OCA2: variants seen among roughly 807,000 people sequenced by gnomAD.
OCA2 encodes P protein.
In OCA2, 77 loss-of-function variants were observed where a neutral mutation model predicts 100.2. The observed-to-expected ratio is 0.77, with a 90% CI of 0.64 to 0.93. The LOEUF (loss-of-function observed/expected upper bound fraction) is 0.93. Ranked by LOEUF, OCA2 falls within the 40% of genes least tolerant of loss-of-function variation. OCA2 has a pLI of 0.00. For synonymous variants in OCA2, 432 were observed against 439.2 expected, an observed-to-expected ratio of 0.98 and a Z score of 0.21; for missense variants, 1,062 against 1,089.1, an observed-to-expected ratio of 0.98 and a Z score of 0.35.
chr15:27,782,217 C>G (rs2032579728), intron 23 of OCA2, among the ~76,000 whole-genome samples: 2 of 152,264 alleles, frequency 1.3e-5, no homozygotes, highest in Admixed American at 1.3e-4. Flanking sequence ...GCAATTAAAG[C>G]TACTAAGTTT....
At chr15:28,073,004 T>C (rs1595912497) in intron 2 of OCA2, among the ~76,000 whole-genome samples, 1 of 152,328 alleles carries the variant, frequency 6.6e-6, no homozygotes, top group Admixed American at 6.5e-5. Flanking sequence ...CATATGTTCA[T>C]CACTGCACTA....
intron 23 of OCA2, among the ~76,000 whole-genome samples, chr15:27,778,404 G>C (rs928156185): frequency 5.3e-5 from 8 of 152,224 alleles, no homozygotes; most frequent in African/African-American, 1.9e-4. Context: ...CATCAGAAGA[G>C]TCTGTGTTTG....
intron 15 of OCA2, 56 bp downstream of exon 15, chr15:27,966,634 C>G (rs1206388435): frequency 5.6e-6 from 9 of 1,604,032 alleles, no homozygotes; most frequent in Middle Eastern, 3.7e-4. Flanking sequence ...TCCTGGTAAA[C>G]AAACAATATT....
chr15:27,915,529 G>A (rs1458937787), intron 19 of OCA2, among the ~76,000 whole-genome samples: 1 of 151,948 alleles, frequency 6.6e-6, no homozygotes, highest in African/African-American at 2.4e-5. Flanking sequence ...AAACAACCCT[G>A]TTAAAATATG....
chr15:27,793,660 A>G (rs1453012229), intron 23 of OCA2, among the ~76,000 whole-genome samples: 1 of 152,162 alleles, frequency 6.6e-6, no homozygotes, highest in Non-Finnish European at 1.5e-5. Context: ...TATTTATTCC[A>G]TGAGTTTCAC....
At chr15:27,827,946 T>A (rs1383479954) in intron 23 of OCA2, among the ~76,000 whole-genome samples, 1 of 152,184 alleles carries the variant, frequency 6.6e-6, no homozygotes, top group Non-Finnish European at 1.5e-5. Flanking sequence ...TAAGACGATC[T>A]ATAGCACAAG....
rs1024811661 is a variant in OCA2 at position 28,078,411 on chromosome 15, G to A, written c.227+3237C>T. 3.9e-5 allele frequency among the ~76,000 whole-genome samples: 6 copies of A among 152,168 alleles called. No homozygotes were observed. The East Asian group carries it at 7.7e-4, about 20-fold the overall frequency. Reference sequence around the variant, plus strand: ...GAGTGGGCTGGACCTAGTAGTGACTGGCTTCTAACCAACAGAATACAGAAG... The same window carrying A: ...GAGTGGGCTGGACCTAGTAGTGACTAGCTTCTAACCAACAGAATACAGAAG... On this transcript the variant is annotated intron_variant, in intron 2 of 23. Coordinates refer to ENST00000354638, the MANE Select transcript of OCA2 (RefSeq NM_000275.3).
intron 9 of OCA2, among the ~76,000 whole-genome samples, chr15:27,995,795 T>C (rs1023988012): frequency 1.3e-5 from 2 of 150,964 alleles, no homozygotes; most frequent in African/African-American, 2.4e-5. Flanking sequence ...TTGATAAATA[T>C]GCAAAAATTA....
chr15:27,768,141 C>A lies in OCA2; in HGVS notation c.2433-12669G>T, dbSNP rs185852135. Among the ~76,000 whole-genome samples the A allele has an allele frequency of 5.5e-3, 839 of 152,248 alleles. 15 individuals carry two copies. Among genetic ancestry groups the A allele is most frequent in the African/African-American group, 0.019 (789 of 41,548 alleles). On this transcript the variant is annotated intron_variant, in intron 23 of 23. Transcript: ENST00000354638. The stretch of plus-strand genomic sequence containing the variant: ...TTTCTAGGTGGATGCCTGTGAGGTG[C>A]GGCCCCTGCCAAGAAAGCAGGTCTG...
At chr15:27,739,001 G>A in the OCA2 span, among the ~76,000 whole-genome samples, 2 of 152,058 alleles carry the variant, frequency 1.3e-5, no homozygotes, top group Non-Finnish European at 2.9e-5. Flanking sequence ...GTGGGACCCT[G>A]AGGCACAGAG....
chr15:27,863,360 A>G (rs1300141298), intron 21 of OCA2, among the ~76,000 whole-genome samples: 1 of 152,180 alleles, frequency 6.6e-6, no homozygotes, highest in Non-Finnish European at 1.5e-5. Flanking sequence ...GAGCTGAGAT[A>G]TGGATTGCCA....
At chr15:27,887,917 T>C (rs2037297519) in intron 19 of OCA2, among the ~76,000 whole-genome samples, 2 of 150,276 alleles carry the variant, frequency 1.3e-5, no homozygotes, top group Non-Finnish European at 3.0e-5. Flanking sequence ...TACAAAGAGA[T>C]ATGTGGTGAG....
intron 22 of OCA2, among the ~76,000 whole-genome samples, chr15:27,848,663 CAAAG>C (rs1351477173): frequency 6.6e-6 from 1 of 152,240 alleles, no homozygotes; most frequent in African/African-American, 2.4e-5. Flanking sequence ...ATGCTGCACA[CAAAG>C]AATCGAACCT....
chr15:28,081,806 G>C lies in OCA2; in HGVS notation c.69C>G (p.Ser23=), dbSNP rs138611712. 7 of 1,612,568 alleles carry C rather than the reference G, an allele frequency of 4.3e-6. No homozygotes were observed. The Admixed American group carries it at 8.3e-5, about 19-fold the overall frequency. ...GAPAVELLQT[S]VPSGLAELVA... ...CAAGTTCAGCGAGTCCGCTGGGCAC[G>C]GACGTCTGCAGGAGCTCCACCGCCG... The change falls in exon 2 of 24, where the codon TCC becomes TCG. Residue 23 remains serine (S), a synonymous_variant. Coordinates refer to ENST00000354638, the MANE Select transcript of OCA2 (RefSeq NM_000275.3).
chr15:27,986,644 C>A lies in OCA2; in HGVS notation c.1183-1G>T. On this transcript the variant is annotated splice_acceptor_variant, in intron 11 of 23. Coordinates refer to ENST00000354638, the MANE Select transcript of OCA2 (RefSeq NM_000275.3). LOFTEE classifies it high-confidence loss of function. ...CTGAAAATATGGCTACTAAGATCATCTATGGGGAAAAGAAGAAGACAAGGA... is the reference window on the plus strand; with the variant it reads ...CTGAAAATATGGCTACTAAGATCATATATGGGGAAAAGAAGAAGACAAGGA... 1 of 1,573,288 alleles carries A rather than the reference C, an allele frequency of 6.4e-7. No individual in the cohort carries two copies. The highest frequency in any genetic ancestry group is 8.8e-7 in the Non-Finnish European group (1 of 1,142,266).
At chr15:28,065,312 T>C (rs745316579) in intron 2 of OCA2, among the ~76,000 whole-genome samples, 1 of 152,158 alleles carries the variant, frequency 6.6e-6, no homozygotes, top group Non-Finnish European at 1.5e-5. Context: ...GTATCCTAAG[T>C]TCCCAAGGAA....
chr15:27,727,800 T>A, the OCA2 span, among the ~76,000 whole-genome samples: 1 of 152,220 alleles, frequency 6.6e-6, no homozygotes, highest in South Asian at 2.1e-4. Flanking sequence ...GTAGTGGGGC[T>A]CCAGTAGGAG....
Position 28,020,595 on chromosome 15 carries a change from T to A in OCA2, c.646+1906A>T, listed in dbSNP as rs1411332424. On this transcript the variant is annotated intron_variant, in intron 6 of 23. Coordinates refer to ENST00000354638, the MANE Select transcript of OCA2 (RefSeq NM_000275.3). The stretch of plus-strand genomic sequence containing the variant: ...GGGCAAGTCTTGGCTTTCTTCATCC[T>A]GGAGAAGTAATGCAGAGGTCGAGGC... Among the ~76,000 whole-genome samples, 13 of 152,266 alleles carry A rather than the reference T, an allele frequency of 8.5e-5. No homozygotes were observed. The South Asian group carries it at 2.5e-3, about 29-fold the overall frequency.
Position 27,989,012 on chromosome 15 carries a change from C to A in OCA2, c.1182+589G>T, listed in dbSNP as rs529147190. Among the ~76,000 whole-genome samples the A allele has an allele frequency of 2.6e-5, 4 of 152,302 alleles. No homozygotes were observed. In the East Asian group the frequency reaches 7.7e-4, roughly 29 times the overall value. On this transcript the variant is annotated intron_variant, in intron 11 of 23. Coordinates refer to ENST00000354638, the MANE Select transcript of OCA2 (RefSeq NM_000275.3). ...CAGAGAGGAAGAGCCCTCCTGCAGA[C>A]CACTGGACTGTTTGGGGTCTGCTGA...
Sources: gnomAD v4.1 joint callset for allele counts (sites outside exome capture counted in the v4.1 genomes callset) on GRCh38, gnomAD v4.1.1 for gene constraint, MANE v1.5 for transcripts, NCBI Gene and HGNC (gene_info 2026-07-23, HGNC 2026-07-21) for gene names.